FREM1: variants seen among roughly 807,000 people sequenced by gnomAD.
FREM1 encodes FRAS1-related extracellular matrix protein 1.
In FREM1, 220 loss-of-function variants were observed where a neutral mutation model predicts 210.1. The observed-to-expected ratio is 1.05, with a 90% CI of 0.94 to 1.17. The LOEUF is 1.17. Among genes scored for constraint, FREM1 ranks in the 50% most tolerant of loss-of-function variants. The probability of loss-of-function intolerance (pLI) is 0.00; values close to 1 mark genes in which losing one functional copy is unlikely to be tolerated. For missense variants in FREM1, 3,454 were observed against 2,675.5 expected (o/e 1.29, Z -6.42); for synonymous variants, 1,189 against 980.2 (o/e 1.21, Z -3.98).
At chr9:14,871,134 T>C (rs1446606057) in intron 1 of FREM1, among the ~76,000 whole-genome samples, 2 of 152,218 alleles carry the variant, frequency 1.3e-5, no homozygotes, top group African/African-American at 2.4e-5. Flanking sequence ...TGTGTCTTTA[T>C]AGCAGCATGA....
chr9:14,871,457 T>C (rs1832659507), intron 1 of FREM1, among the ~76,000 whole-genome samples: 1 of 152,222 alleles, frequency 6.6e-6, no homozygotes, highest in Admixed American at 6.5e-5. Flanking sequence ...TGTCTTCTTT[T>C]GAGAAGTGTC....
intron 25 of FREM1, among the ~76,000 whole-genome samples, chr9:14,772,116 C>A (rs1847672811): frequency 6.6e-6 from 1 of 151,004 alleles, no homozygotes; most frequent in Admixed American, 6.6e-5. Context: ...TAAAAAAAAA[C>A]AGAAATAATT....
At chr9:14,873,044 T>C (rs1347491658) in intron 1 of FREM1, among the ~76,000 whole-genome samples, 1 of 152,104 alleles carries the variant, frequency 6.6e-6, no homozygotes, top group Non-Finnish European at 1.5e-5. Context: ...GGATAAGCTT[T>C]TTGATGTGCT....
At chr9:14,793,092 A>T (rs192396453) in intron 21 of FREM1, among the ~76,000 whole-genome samples, 7 of 152,252 alleles carry the variant, frequency 4.6e-5, no homozygotes, top group African/African-American at 1.7e-4. Context: ...GGTCAGCCCT[A>T]ATGAATGTGG....
chr9:14,801,948 G>T (rs1817371165), intron 19 of FREM1, 74 bp from the exon 20 acceptor site: 2 of 1,065,848 alleles, frequency 1.9e-6, no homozygotes, highest in East Asian at 2.4e-5. Context: ...ACTGCTTAAA[G>T]AAATCACTTG....
rs544036278 is a variant in FREM1, at chr9:14,836,073, C to T, written c.1881+5374G>A. Among the ~76,000 whole-genome samples the T allele has an allele frequency of 1.8e-4, 28 of 152,220 alleles. No homozygotes were observed. The highest frequency in any genetic ancestry group is 4.8e-4 in the African/African-American group (20 of 41,528). On this transcript the variant is annotated intron_variant, in intron 10 of 36. Transcript: ENST00000380880. This position sits in a 1 kb window ranked among gnomAD's most constrained non-coding sequence, Gnocchi z 4.9. ...GGGTAATGAAAAGTGAGTAAGGTGCCCATAACTCTGAGCTTTCTTTGTTTG... is the reference window on the plus strand; with the variant it reads ...GGGTAATGAAAAGTGAGTAAGGTGCTCATAACTCTGAGCTTTCTTTGTTTG...
chr9:14,852,539 T>C (rs1327962122), intron 5 of FREM1, among the ~76,000 whole-genome samples: 2 of 151,922 alleles, frequency 1.3e-5, no homozygotes, highest in East Asian at 1.9e-4. Context: ...AAAGTAAAAA[T>C]AATAAAATTA....
intron 23 of FREM1, among the ~76,000 whole-genome samples, chr9:14,785,288 C>G (rs1429506778): frequency 1.3e-5 from 2 of 152,184 alleles, no homozygotes; most frequent in Non-Finnish European, 2.9e-5. Context: ...TGGAACAACA[C>G]AGATGTAGTT....
intron 6 of FREM1, among the ~76,000 whole-genome samples, chr9:14,850,061 G>A (rs754380706): frequency 6.6e-5 from 10 of 152,152 alleles, no homozygotes; most frequent in Non-Finnish European, 1.2e-4. Flanking sequence ...CCCCAGGGAC[G>A]ATCATTTTCC....
chr9:14,847,280 T>C lies in FREM1; in HGVS notation c.1262-1189A>G, dbSNP rs183694733. 6.2e-4 allele frequency among the ~76,000 whole-genome samples: 94 copies of C among 152,182 alleles called. 1 individual carries two copies. Among genetic ancestry groups the C allele is most frequent in the South Asian group, 1.0e-3 (5 of 4,806 alleles). The stretch of plus-strand genomic sequence containing the variant: ...GTGACACCAGCTCAGCCATGCGTTT[T>C]TATTTGCTTCTCCCCTTACTCTTGC... On this transcript the variant is annotated intron_variant, in intron 7 of 36. Transcript: ENST00000380880.
rs1588089829 is a variant in FREM1, at chr9:14,804,977, G to A, written c.3450C>T (p.Asp1150=). 1 of 1,612,432 alleles carries A rather than the reference G, an allele frequency of 6.2e-7. No homozygotes were observed. Among genetic ancestry groups the A allele is most frequent in the Non-Finnish European group, 8.5e-7 (1 of 1,178,508 alleles). The change falls in exon 19 of 37, where the codon GAC becomes GAT. Residue 1150 remains aspartate, a synonymous_variant. Coordinates refer to ENST00000380880, the MANE Select transcript of FREM1 (RefSeq NM_001379081.2). ...TTACAGTAATATTCTGCACTACAAAGTCAGGAGCTTCATCATTTGTGGGGT... is the reference window on the plus strand; with the variant it reads ...TTACAGTAATATTCTGCACTACAAAATCAGGAGCTTCATCATTTGTGGGGT... The part of the protein sequence containing the change: ...IINPTNDEAP[D]FVVQNITVCE...
chr9:14,846,926 T>C (rs566105538), intron 7 of FREM1, among the ~76,000 whole-genome samples: 2 of 152,248 alleles, frequency 1.3e-5, no homozygotes, highest in Admixed American at 6.5e-5. Context: ...CACTGCCTCA[T>C]CTTCTGATGC....
chr9:14,905,544 C>T (rs1817541027), intron 1 of FREM1, among the ~76,000 whole-genome samples: 1 of 152,180 alleles, frequency 6.6e-6, no homozygotes, highest in African/African-American at 2.4e-5. Flanking sequence ...CAATACCAAA[C>T]AATTTCATAG....
chr9:14,761,231 C>T (rs754918556), intron 27 of FREM1, among the ~76,000 whole-genome samples: 16 of 152,064 alleles, frequency 1.1e-4, no homozygotes, highest in Non-Finnish European at 1.9e-4. Flanking sequence ...GTCATAATCA[C>T]GTTCTATGGA....
chr9:14,757,306 G>A (rs1266351268), intron 28 of FREM1, among the ~76,000 whole-genome samples: 1 of 152,188 alleles, frequency 6.6e-6, no homozygotes, highest in Non-Finnish European at 1.5e-5. Flanking sequence ...TGTAATCCCA[G>A]CACTCTGGGA....
intron 1 of FREM1, among the ~76,000 whole-genome samples, chr9:14,888,092 C>T (rs1340713808): frequency 1.3e-5 from 2 of 152,202 alleles, no homozygotes; most frequent in African/African-American, 4.8e-5. Context: ...GCCACCACGT[C>T]TGGCCAAAAC....
Position 14,859,201 on chromosome 9 carries a change from T to C in FREM1, c.613A>G (p.Ser205Gly). Residue 205 changes from serine to glycine, a missense_variant, in exon 4 of 37, where the codon AGT (serine) becomes GGT (glycine). By Grantham distance (56) the Ser-to-Gly change is moderately conservative (BLOSUM62 0). Transcript: ENST00000380880. ...ATCATACGGGACTCTGGGAAAAAAC[T>C]GTGTGGCTGATCTCCACGAGGTTCT... ...PEEPRGDQPHSFFPESQLRAK... is the reference protein window; with the variant it reads ...PEEPRGDQPHGFFPESQLRAK... 1 of 1,587,872 alleles carries C rather than the reference T, an allele frequency of 6.3e-7. No individual in the cohort carries two copies.
intron 29 of FREM1, among the ~76,000 whole-genome samples, chr9:14,754,325 A>G (rs575109599): frequency 3.9e-5 from 6 of 152,324 alleles, no homozygotes; most frequent in African/African-American, 1.4e-4. Flanking sequence ...CAGCACATAA[A>G]TAACAGGAAT....
intron 29 of FREM1, among the ~76,000 whole-genome samples, chr9:14,750,985 A>G (rs1429255535): frequency 1.3e-5 from 2 of 152,208 alleles, no homozygotes; most frequent in African/African-American, 4.8e-5. Context: ...CCTTACAAAC[A>G]TATCCCAGCC....
Sources: allele counts gnomAD v4.1 joint callset (sites outside exome capture counted in the v4.1 genomes callset), GRCh38; gene constraint gnomAD v4.1.1; non-coding constraint Gnocchi (gnomAD v3.1); transcripts MANE v1.5; gene names NCBI Gene and HGNC (gene_info 2026-07-23, HGNC 2026-07-21).